Variants in LDLRAD4 observed in about 807,000 individuals in gnomAD.
The protein encoded by LDLRAD4 is low-density lipoprotein receptor class A domain-containing protein 4.
In LDLRAD4, 5 loss-of-function variants were observed where a neutral mutation model predicts 17.0. That is an observed-to-expected ratio of 0.29 (90% CI 0.15 to 0.62). LDLRAD4 has a LOEUF of 0.62. LDLRAD4 is among the 20% of genes least tolerant of loss of function. LDLRAD4 has a pLI of 0.84. For missense variants in LDLRAD4, 340 were observed against 424.7 expected, an observed-to-expected ratio of 0.80 and a Z score of 1.75; for synonymous variants, 168 against 171.8, an observed-to-expected ratio of 0.98 and a Z score of 0.17.
intron 2 of LDLRAD4, among the ~76,000 whole-genome samples, chr18:13,402,566 G>T (rs1249831219): frequency 1.3e-5 from 2 of 152,162 alleles, no homozygotes; most frequent in African/African-American, 4.8e-5. Context: ...CTGAATCTGG[G>T]TATGTTTTGT....
At chr18:13,577,264 G>A (rs1479224769) in intron 3 of LDLRAD4, among the ~76,000 whole-genome samples, 1 of 152,172 alleles carries the variant, frequency 6.6e-6, no homozygotes, top group Non-Finnish European at 1.5e-5. Flanking sequence ...TGGGAAATTA[G>A]GCTAATATTT....
At chr18:13,325,571 A>G (rs1048921433) in intron 1 of LDLRAD4, among the ~76,000 whole-genome samples, 2 of 151,234 alleles carry the variant, frequency 1.3e-5, no homozygotes, top group African/African-American at 4.9e-5. Flanking sequence ...CTTCCTGTGG[A>G]CTCCTCAGCT....
intron 1 of LDLRAD4, among the ~76,000 whole-genome samples, chr18:13,325,212 C>T (rs1267267543): frequency 6.6e-6 from 1 of 152,212 alleles, no homozygotes; most frequent in South Asian, 2.1e-4. Flanking sequence ...TCCAGCTTAA[C>T]TTTTCCCTTT....
intron 1 of LDLRAD4, among the ~76,000 whole-genome samples, chr18:13,238,268 G>T (rs1189149621): frequency 6.6e-6 from 1 of 152,182 alleles, no homozygotes; most frequent in Non-Finnish European, 1.5e-5. Context: ...ACTGGTCGTG[G>T]TTTATTGTAA....
chr18:13,304,100 C>G (rs2046769806), intron 1 of LDLRAD4, among the ~76,000 whole-genome samples: 1 of 152,232 alleles, frequency 6.6e-6, no homozygotes, highest in Admixed American at 6.5e-5. Context: ...GGAGGCAGCC[C>G]TGCTGCTGCA....
chr18:13,496,295 G>A (rs975740142), intron 3 of LDLRAD4, among the ~76,000 whole-genome samples: 4 of 152,098 alleles, frequency 2.6e-5, no homozygotes, highest in Non-Finnish European at 5.9e-5. Flanking sequence ...AAAATGTGGC[G>A]GCCTTACTTG....
chr18:13,645,388 T>G lies in LDLRAD4; in HGVS notation c.652T>G (p.Leu218Val), dbSNP rs765554318. 13 of 1,613,986 alleles carry G rather than the reference T, an allele frequency of 8.1e-6. No homozygotes were observed. In the Admixed American group the frequency reaches 2.2e-4, roughly 27 times the overall value. The stretch of plus-strand genomic sequence containing the variant: ...CAACCGAACCATATTTGACAGTGAT[T>G]TAATAGACATTGCTATGTATAGCGG... Residue 218 changes from leucine (L) to valine (V), a missense_variant, in exon 6 of 6, where the codon TTA becomes GTA. Leu to Val is a conservative substitution (Grantham distance 32). Coordinates refer to ENST00000359446, the Ensembl canonical transcript of LDLRAD4. The surrounding 1 kb of genome is among the most constrained non-coding windows in gnomAD (Gnocchi z 5.7).
rs2046559545 is a variant in LDLRAD4, at chr18:13,300,944, C to T, written c.-383+22756C>T. Among the ~76,000 whole-genome samples the T allele has an allele frequency of 1.3e-5, 2 of 152,372 alleles. No homozygotes were observed. Among genetic ancestry groups the T allele is most frequent in the South Asian group, 4.1e-4 (2 of 4,830 alleles). ...CTGCTTGGCTGTGAGGGCTGATCTT[C>T]CAGTGCCCGAGTCCCCGCTGTGAGC... On this transcript the variant is annotated intron_variant, in intron 1 of 5. Coordinates refer to ENST00000359446, the Ensembl canonical transcript of LDLRAD4. This position sits in a 1 kb window ranked among gnomAD's most constrained non-coding sequence, Gnocchi z 4.2.
At chr18:13,296,657 G>A (rs192158291) in intron 1 of LDLRAD4, among the ~76,000 whole-genome samples, 6 of 151,468 alleles carry the variant, frequency 4.0e-5, no homozygotes, top group African/African-American at 1.2e-4. Flanking sequence ...GATTACAGGC[G>A]TGAGCCACAG....
At chr18:13,309,321 G>T (rs911598857) in intron 1 of LDLRAD4, among the ~76,000 whole-genome samples, 2 of 152,198 alleles carry the variant, frequency 1.3e-5, no homozygotes, top group Non-Finnish European at 1.5e-5. Flanking sequence ...CCATCAAGTG[G>T]CCTTGGGAAT....
intron 1 of LDLRAD4, among the ~76,000 whole-genome samples, chr18:13,302,589 G>A (rs1432847048): frequency 6.6e-6 from 1 of 152,188 alleles, no homozygotes; most frequent in Non-Finnish European, 1.5e-5. Flanking sequence ...GCCAAATGCA[G>A]ATGAGTGTCC....
At chr18:13,303,521 G>A (rs187063779) in intron 1 of LDLRAD4, among the ~76,000 whole-genome samples, 3 of 151,860 alleles carry the variant, frequency 2.0e-5, no homozygotes, top group Admixed American at 2.0e-4. Context: ...TTGTAGAGAG[G>A]GGCTCTCGTT....
intron 3 of LDLRAD4, among the ~76,000 whole-genome samples, chr18:13,581,354 C>T (rs2094854691): frequency 1.3e-5 from 2 of 152,222 alleles, no homozygotes; most frequent in South Asian, 4.1e-4. Flanking sequence ...TTTTCTTATC[C>T]TGCAGTCTAT....
At chr18:13,235,940 CTG>C (rs1328078064) in intron 1 of LDLRAD4, among the ~76,000 whole-genome samples, 1 of 152,174 alleles carries the variant, frequency 6.6e-6, no homozygotes, top group African/African-American at 2.4e-5. Context: ...TTAAAAAATT[CTG>C]TCTTTTCATC....
chr18:13,281,852 C>T (rs919733184), intron 1 of LDLRAD4, among the ~76,000 whole-genome samples: 10 of 152,108 alleles, frequency 6.6e-5, no homozygotes, highest in South Asian at 2.1e-4. Context: ...CCATTGTCCC[C>T]GATTCTTCAA....
At position 13,621,066 on chromosome 18, in the gene LDLRAD4, G is replaced by T; in HGVS notation, c.182-51G>T. Reference sequence around the variant, plus strand: ...GGGTGGTGACAGTGCCTGGAGAATGGGTGGGGACTGGAGGGGCCAGGTGGC... The same window carrying T: ...GGGTGGTGACAGTGCCTGGAGAATGTGTGGGGACTGGAGGGGCCAGGTGGC... On this transcript the variant is annotated intron_variant, in intron 3 of 5. Transcript: ENST00000359446. This position sits in a 1 kb window ranked among gnomAD's most constrained non-coding sequence, Gnocchi z 5.5. 1 of 1,613,214 alleles carries T rather than the reference G, an allele frequency of 6.2e-7. No homozygotes were observed.
intron 2 of LDLRAD4, among the ~76,000 whole-genome samples, chr18:13,391,705 C>T (rs1458819680): frequency 1.3e-5 from 2 of 152,208 alleles, no homozygotes; most frequent in Non-Finnish European, 2.9e-5. Flanking sequence ...CTACACGCAT[C>T]TTTGCCATGT....
intron 3 of LDLRAD4, among the ~76,000 whole-genome samples, chr18:13,483,201 C>T (rs1438527881): frequency 1.3e-5 from 2 of 152,168 alleles, no homozygotes; most frequent in African/African-American, 4.8e-5. Flanking sequence ...CCCATCTCTC[C>T]ACAGAGAGAA....
At chr18:13,299,246 A>C (rs367691290) in intron 1 of LDLRAD4, among the ~76,000 whole-genome samples, 134 of 152,304 alleles carry the variant, frequency 8.8e-4, no homozygotes, top group African/African-American at 3.1e-3. Context: ...AACGTAGTGG[A>C]GTTTCTCAAG....
Sources: gnomAD v4.1 joint callset for allele counts (sites outside exome capture counted in the v4.1 genomes callset) on GRCh38, gnomAD v4.1.1 for gene constraint, Gnocchi (gnomAD v3.1) non-coding constraint, MANE v1.5 for transcripts, NCBI Gene and HGNC (gene_info 2026-07-23, HGNC 2026-07-21) for gene names.